Variants in PLEKHA7 observed in about 807,000 individuals in gnomAD.
PLEKHA7 encodes pleckstrin homology domain-containing family A member 7.
PLEKHA7 carries 104 observed loss-of-function variants against 170.0 expected under a neutral mutation model. The ratio of observed to expected loss-of-function variants is 0.61; its 90% confidence interval spans 0.52 to 0.72. PLEKHA7 has a LOEUF of 0.72. Among genes scored for constraint, PLEKHA7 ranks in the 30% least tolerant of loss-of-function variants. The pLI, the probability that PLEKHA7 is intolerant of heterozygous loss-of-function variation, is 0.00. For missense variants in PLEKHA7, 1,615 were observed against 1,671.7 expected, an observed-to-expected ratio of 0.97 and a Z score of 0.59; for synonymous variants, 648 against 660.8, an observed-to-expected ratio of 0.98 and a Z score of 0.30.
chr11:16,826,486 T>A lies in PLEKHA7; in HGVS notation c.977A>T (p.His326Leu), dbSNP rs745906216. The A allele has an allele frequency of 6.2e-6, 10 of 1,614,108 alleles. No individual in the cohort carries two copies. The highest frequency in any genetic ancestry group is 8.5e-6 in the Non-Finnish European group (10 of 1,180,048). Residue 326 changes from histidine (H) to leucine (L), a missense_variant, in exon 10 of 27, where the codon CAT becomes CTT. By Grantham distance (99) the His-to-Leu change is moderately conservative. Transcript: ENST00000531066. ...VGPGHTRDCP[H>L]RGHDDIVNFE... ...GTTGACAATGTCATCATGGCCACGATGAGGACAATCTCTCGTATGTCCGGG... is the reference window on the plus strand; with the variant it reads ...GTTGACAATGTCATCATGGCCACGAAGAGGACAATCTCTCGTATGTCCGGG...
intron 8 of PLEKHA7, among the ~76,000 whole-genome samples, chr11:16,847,842 CAAAA>C (rs35191685): frequency 0.063 from 6,340 of 101,364 alleles, 468 homozygotes; most frequent in African/African-American, 0.21. Flanking sequence ...AATTCTGTCT[CAAAA>C]AAAAAAAAAA....
rs1364240151 is a variant in PLEKHA7 at position 16,906,694 on chromosome 11, G to A, written c.222-35512C>T. On this transcript the variant is annotated intron_variant, in intron 3 of 26. Coordinates refer to ENST00000531066, the MANE Select transcript of PLEKHA7 (RefSeq NM_001329630.2). ...TCGCTACAACCTCCACCTCCCAGCTGCCTGCCTTGGCCCCCCAAAGTGCCG... is the reference window on the plus strand; with the variant it reads ...TCGCTACAACCTCCACCTCCCAGCTACCTGCCTTGGCCCCCCAAAGTGCCG... 1.1e-3 allele frequency among the ~76,000 whole-genome samples: 149 copies of A among 139,908 alleles called. 2 individuals are homozygous for A. The highest frequency in any genetic ancestry group is 1.8e-3 in the Non-Finnish European group (119 of 67,366). 91.8% of individuals were successfully genotyped at this position (139,908 alleles called of 152,430 possible). A position where few individuals can be genotyped will look rare whatever the true frequency, so the allele number is the denominator to read the frequency against.
At chr11:16,803,199 G>C in intron 14 of PLEKHA7, 28 bp downstream of exon 14, 2 of 1,604,724 alleles carry the variant, frequency 1.2e-6, no homozygotes, top group Non-Finnish European at 1.7e-6. Context: ...GGCAGCTGAG[G>C]GGTCAGCGTG....
At chr11:16,862,531 C>T (rs1854045270) in intron 4 of PLEKHA7, among the ~76,000 whole-genome samples, 1 of 152,164 alleles carries the variant, frequency 6.6e-6, no homozygotes, top group African/African-American at 2.4e-5. Flanking sequence ...GAAGGGAAGT[C>T]ACAGGAAGAA....
chr11:16,909,650 C>T (rs1381448691), intron 3 of PLEKHA7, among the ~76,000 whole-genome samples: 3 of 152,184 alleles, frequency 2.0e-5, no homozygotes, highest in Non-Finnish European at 4.4e-5. Flanking sequence ...CCTCTCTGGG[C>T]TCAGTTTCCT....
chr11:16,919,043 T>C (rs1489396143), intron 3 of PLEKHA7, among the ~76,000 whole-genome samples: 1 of 152,126 alleles, frequency 6.6e-6, no homozygotes. Context: ...AAACCCCATC[T>C]CTACTAAAAA....
At position 16,817,069 on chromosome 11, in the gene PLEKHA7, G is replaced by T; in HGVS notation, c.1597C>A (p.Arg533=). ...LYEWQQRQQF[R]HGSPTAPICL... is the part of the protein sequence containing the mutation. ...ATGGGCGCTGTGGGGCTGCCGTGCC[G>T]GAACTGCTGGCGCTGCTGCCACTCG... Residue 533 remains arginine, a synonymous_variant, in exon 11 of 27, where the codon CGG becomes AGG. Transcript: ENST00000531066. This position sits in a 1 kb window ranked among gnomAD's most constrained non-coding sequence, Gnocchi z 4.4. The T allele has an allele frequency of 6.2e-7, 1 of 1,612,274 alleles. No individual in the cohort carries two copies.
rs551896767 is a variant in PLEKHA7, at chr11:16,852,535, G to T, written c.523-180C>A. Among the ~76,000 whole-genome samples the T allele has an allele frequency of 3.9e-5, 6 of 152,186 alleles. No individual in the cohort carries two copies. In the East Asian group the frequency reaches 1.2e-3, roughly 29 times the overall value. On this transcript the variant is annotated intron_variant, in intron 6 of 26. Coordinates refer to ENST00000531066, the MANE Select transcript of PLEKHA7 (RefSeq NM_001329630.2). ...GACATTAGAACTTGGATTAAATGAT[G>T]GTTTATCCTAAGAAAGCAGGGTTTT...
intron 10 of PLEKHA7, among the ~76,000 whole-genome samples, chr11:16,818,659 G>A (rs903819460): frequency 1.3e-5 from 2 of 152,216 alleles, no homozygotes; most frequent in Admixed American, 6.5e-5. Flanking sequence ...GACAGGAACT[G>A]TGTTTCACAC....
chr11:17,004,218 T>C (rs994437911), intron 3 of PLEKHA7, among the ~76,000 whole-genome samples: 1 of 152,190 alleles, frequency 6.6e-6, no homozygotes, highest in East Asian at 1.9e-4. Flanking sequence ...CAACATTTAA[T>C]GGCACTTCCT....
At chr11:16,938,205 G>A (rs1860441181) in intron 3 of PLEKHA7, among the ~76,000 whole-genome samples, 3 of 152,276 alleles carry the variant, frequency 2.0e-5, no homozygotes, top group Admixed American at 1.3e-4. Flanking sequence ...CTAAGGTTAA[G>A]GGGTTGAGAT....
intron 3 of PLEKHA7, among the ~76,000 whole-genome samples, chr11:16,897,022 T>A (rs1857036010): frequency 6.6e-6 from 1 of 152,210 alleles, no homozygotes; most frequent in Admixed American, 6.5e-5. Flanking sequence ...TAGTATACAG[T>A]ATTGGCTTAA....
chr11:16,819,054 C>G (rs1297830189), intron 10 of PLEKHA7, among the ~76,000 whole-genome samples: 1 of 151,878 alleles, frequency 6.6e-6, no homozygotes, highest in Non-Finnish European at 1.5e-5. Flanking sequence ...CTGACCGCCT[C>G]GGCCTCCCAA....
intron 3 of PLEKHA7, among the ~76,000 whole-genome samples, chr11:16,924,639 A>T (rs959886713): frequency 1.3e-5 from 2 of 151,864 alleles, no homozygotes. Flanking sequence ...CGACAACGAA[A>T]GGGGAACCCT....
chr11:17,006,233 G>A (rs546833747), intron 3 of PLEKHA7, among the ~76,000 whole-genome samples: 3 of 151,590 alleles, frequency 2.0e-5, no homozygotes, highest in East Asian at 3.9e-4. Context: ...GGTGGTGGGC[G>A]CCTGTAACAC....
chr11:16,844,844 C>G (rs1038656930), intron 8 of PLEKHA7, among the ~76,000 whole-genome samples: 1 of 152,110 alleles, frequency 6.6e-6, no homozygotes, highest in African/African-American at 2.4e-5. Context: ...AGGCCAGGGC[C>G]CATCAACTGA....
chr11:16,866,667 G>A (rs186694153), intron 4 of PLEKHA7, among the ~76,000 whole-genome samples: 170 of 152,252 alleles, frequency 1.1e-3, no homozygotes, highest in African/African-American at 3.8e-3. Flanking sequence ...TGAGAAATTC[G>A]CCTTTGCTGT....
chr11:16,976,844 A>T (rs1423001885), intron 3 of PLEKHA7, among the ~76,000 whole-genome samples: 1 of 152,200 alleles, frequency 6.6e-6, no homozygotes, highest in Non-Finnish European at 1.5e-5. Context: ...CACTACCATA[A>T]GCCTAGCTCA....
At chr11:16,977,330 A>C (rs567150601) in intron 3 of PLEKHA7, among the ~76,000 whole-genome samples, 1 of 151,982 alleles carries the variant, frequency 6.6e-6, no homozygotes, top group Admixed American at 6.5e-5. Flanking sequence ...CTCAACTTCA[A>C]GAGCCCCCAC....
Sources: allele counts gnomAD v4.1 joint callset (sites outside exome capture counted in the v4.1 genomes callset), GRCh38; gene constraint gnomAD v4.1.1; non-coding constraint Gnocchi (gnomAD v3.1); transcripts MANE v1.5; gene names NCBI Gene and HGNC (gene_info 2026-07-23, HGNC 2026-07-21).